Variants in SV2B observed in about 807,000 individuals in gnomAD.
The protein encoded by SV2B is synaptic vesicle glycoprotein 2B, also known as solute carrier family 22 member B2.
Under a neutral mutation model 73.9 loss-of-function variants are expected in SV2B, and 41 were observed. The ratio of observed to expected loss-of-function variants is 0.56; its 90% CI spans 0.43 to 0.72. SV2B has a LOEUF of 0.72. Among genes scored for constraint, SV2B ranks in the 30% least tolerant of loss-of-function variants. SV2B has a pLI of 0.00. For missense variants in SV2B, 764 were observed against 857.8 expected, an observed-to-expected ratio of 0.89 and a Z score of 1.37; for synonymous variants, 314 against 314.2, an observed-to-expected ratio of 1.00 and a Z score of 0.01.
At chr15:91,222,399 C>G (rs1203236269) in intron 1 of SV2B, among the ~76,000 whole-genome samples, 1 of 152,170 alleles carries the variant, frequency 6.6e-6, no homozygotes, top group Non-Finnish European at 1.5e-5. Flanking sequence ...TATTAATAAT[C>G]AAGATTGTAA....
chr15:91,267,488 C>A lies in SV2B; in HGVS notation c.1120-67C>A. ...CTTATTAGAATATCTGAGTAATGAG[C>A]TCTTCGTGGGAGAAACAAAGTCACA... On this transcript the variant is annotated intron_variant, in intron 7 of 12. Coordinates refer to ENST00000394232, the MANE Select transcript of SV2B (RefSeq NM_001323032.3). The surrounding 1 kb of genome is among the most constrained non-coding windows in gnomAD (Gnocchi z 4.3). 7.3e-7 allele frequency: 1 copy of A among 1,373,488 alleles called. No individual in the cohort carries two copies. The highest frequency in any genetic ancestry group is 1.0e-6 in the Non-Finnish European group (1 of 972,864). The allele number at this position is 1,373,488 out of a possible 1,614,324, so 85.1% of individuals were successfully genotyped here.
intron 1 of SV2B, among the ~76,000 whole-genome samples, chr15:91,195,882 A>G (rs751167247): frequency 6.6e-6 from 1 of 152,226 alleles, no homozygotes; most frequent in Non-Finnish European, 1.5e-5. Context: ...TGTTATTACT[A>G]TCTATGTACA....
rs561442709 is a variant in SV2B, at chr15:91,289,240, G to A, written c.1709-281G>A. ...CTCAACAAATGCCCCTATCTGCCCC[G>A]TCCCGTCACTCTGAGCTGGGCACCA... is the stretch of plus-strand genomic sequence containing the variant. On this transcript the variant is annotated intron_variant, in intron 11 of 12. Coordinates refer to ENST00000394232, the MANE Select transcript of SV2B (RefSeq NM_001323032.3). This position sits in a 1 kb window ranked among gnomAD's most constrained non-coding sequence, Gnocchi z 4.9. Among the ~76,000 whole-genome samples the A allele has an allele frequency of 7.2e-5, 11 of 152,234 alleles. No homozygotes were observed. Among genetic ancestry groups the A allele is most frequent in the East Asian group, 1.9e-4 (1 of 5,178 alleles).
In SV2B at chr15:91,258,789, G is replaced by A. The variant is rs190132678; in HGVS notation, c.918+235G>A. ...ATGGTTCAAGAGCTTGTGGAGCCCA[G>A]AGCAGGAGCTCTTTCCCAAGGCTGT... On this transcript the variant is annotated intron_variant, in intron 5 of 12. Transcript: ENST00000394232. The surrounding 1 kb of genome is among the most constrained non-coding windows in gnomAD (Gnocchi z 4.7). Among the ~76,000 whole-genome samples, 98 of 152,264 alleles carry A rather than the reference G, an allele frequency of 6.4e-4. No homozygotes were observed. Among genetic ancestry groups the A allele is most frequent in the Non-Finnish European group, 1.1e-3 (73 of 68,018 alleles).
intron 1 of SV2B, among the ~76,000 whole-genome samples, chr15:91,147,263 C>G (rs1179898150): frequency 2.0e-5 from 3 of 152,248 alleles, no homozygotes; most frequent in African/African-American, 4.8e-5. Flanking sequence ...AAGCCTACCA[C>G]CTAGAATTAC....
In SV2B at chr15:91,298,060, TCAAGACATGACTAGATGTGAACCTGAC is replaced by T. The variant is rs1427081330; in HGVS notation, c.*5510_*5536del. The T allele has an allele frequency of 6.6e-6, 1 of 152,100 alleles. No homozygotes were observed. Among genetic ancestry groups the T allele is most frequent in the Non-Finnish European group, 1.5e-5 (1 of 68,042 alleles). The allele number at this position is 152,100 out of a possible 1,614,324, so 9.4% of individuals were successfully genotyped here. A position where few individuals can be genotyped will look rare whatever the true frequency, so the allele number is the denominator to read the frequency against. On this transcript the variant is annotated 3_prime_UTR_variant, in exon 13 of 13. Transcript: ENST00000394232. This position sits in a 1 kb window ranked among gnomAD's most constrained non-coding sequence, Gnocchi z 5.4. ...CCTAGCTAGGGATGCACGGGGGTGA[TCAAGACATGACTAGATGTGAACCTGAC>T]CTGCAGACAGTCCACCTGAACGTGC...
chr15:91,112,715 C>A (rs1218247463), intron 1 of SV2B, among the ~76,000 whole-genome samples: 1 of 152,206 alleles, frequency 6.6e-6, no homozygotes, highest in Non-Finnish European at 1.5e-5. Flanking sequence ...TTTTCCTCAT[C>A]ATTTTGGATA....
chr15:91,126,423 A>G (rs2042483333), intron 1 of SV2B, among the ~76,000 whole-genome samples: 1 of 152,210 alleles, frequency 6.6e-6, no homozygotes, highest in African/African-American at 2.4e-5. Context: ...TGGTTGATAT[A>G]TCCATCTGGA....
intron 1 of SV2B, among the ~76,000 whole-genome samples, chr15:91,206,201 CT>C (rs538615675): frequency 0.024 from 2,442 of 101,884 alleles, 42 homozygotes; most frequent in East Asian, 0.097. Context: ...CCATGCCTGG[CT>C]TTTTTTTTTT....
rs2046594301 is a variant in SV2B, at chr15:91,231,994, T to C, written c.451+5280T>C. 6.6e-6 allele frequency among the ~76,000 whole-genome samples: 1 copy of C among 152,164 alleles called. No homozygotes were observed. Among genetic ancestry groups the C allele is most frequent in the Admixed American group, 6.5e-5 (1 of 15,274 alleles). On this transcript the variant is annotated intron_variant, in intron 2 of 12. Transcript: ENST00000394232. This position sits in a 1 kb window ranked among gnomAD's most constrained non-coding sequence, Gnocchi z 4.5. ...CAGAGATAGATATATTACTCTGCTGTCGTGAAAGATTATCTTGTGATTGTT... is the reference window on the plus strand; with the variant it reads ...CAGAGATAGATATATTACTCTGCTGCCGTGAAAGATTATCTTGTGATTGTT...
rs1236464064 is a variant in SV2B, at chr15:91,232,942, G to C, written c.451+6228G>C. Reference sequence around the variant, plus strand: ...CCCAATATTTAGCGCTCGCTTATAAGTGAGAACATGCAGTGTTTAGTTTTC... The same window carrying C: ...CCCAATATTTAGCGCTCGCTTATAACTGAGAACATGCAGTGTTTAGTTTTC... On this transcript the variant is annotated intron_variant, in intron 2 of 12. Transcript: ENST00000394232. The surrounding 1 kb of genome is among the most constrained non-coding windows in gnomAD (Gnocchi z 4.7). Among the ~76,000 whole-genome samples the C allele has an allele frequency of 1.3e-5, 2 of 152,196 alleles. No homozygotes were observed.
At chr15:91,235,436 A>G (rs958228632) in intron 2 of SV2B, among the ~76,000 whole-genome samples, 2 of 128,652 alleles carry the variant, frequency 1.6e-5, no homozygotes, top group Non-Finnish European at 3.1e-5. Flanking sequence ...CTAACACACA[A>G]TGAATAGAAA....
rs1459801970 is a variant in SV2B at position 91,258,464 on chromosome 15, G to C, written c.828G>C (p.Trp276Cys). 1.2e-6 allele frequency: 2 copies of C among 1,614,034 alleles called. No individual in the cohort carries two copies. The highest frequency in any genetic ancestry group is 1.3e-5 in the African/African-American group (1 of 74,922). The change falls in exon 5 of 13, where the codon TGG becomes TGC. Residue 276 changes from tryptophan to cysteine, a missense_variant. By Grantham distance (215) the Trp-to-Cys change is radical. Transcript: ENST00000394232. This position sits in a 1 kb window ranked among gnomAD's most constrained non-coding sequence, Gnocchi z 4.7. The stretch of plus-strand genomic sequence containing the variant: ...GGACCAATTACCACTTCCATAGCTG[G>C]AGAGTGTTTGTCATCGTCTGTGCTC... Reference protein sequence around the residue: ...SMGTNYHFHSWRVFVIVCALP... With the variant: ...SMGTNYHFHSCRVFVIVCALP...
rs549601906 is a variant in SV2B, at chr15:91,130,661, G to C, written c.-392+30298G>C. Among the ~76,000 whole-genome samples the C allele has an allele frequency of 5.9e-5, 9 of 152,262 alleles. No homozygotes were observed. In the South Asian group the frequency reaches 1.7e-3, roughly 28 times the overall value. ...GCTCCTGCGTGTCAGTCAGGATGTG[G>C]CTTGTGAGTCTTGCAGACATACTGC... is the stretch of plus-strand genomic sequence containing the variant. On this transcript the variant is annotated intron_variant, in intron 1 of 12. Transcript: ENST00000394232. The surrounding 1 kb of genome is among the most constrained non-coding windows in gnomAD (Gnocchi z 5.6).
In SV2B at chr15:91,292,372, A is replaced by T. The variant is rs2049070337; in HGVS notation, c.1872A>T (p.Ala624=). 6.2e-7 allele frequency: 1 copy of T among 1,613,718 alleles called. No individual in the cohort carries two copies. Among genetic ancestry groups the T allele is most frequent in the Non-Finnish European group, 8.5e-7 (1 of 1,179,810 alleles). ...TATTTCCATTCCTCTTTTACAGAGCAACAGCCTTCGGCATTCTCAATGGAT... is the reference window on the plus strand; with the variant it reads ...TATTTCCATTCCTCTTTTACAGAGCTACAGCCTTCGGCATTCTCAATGGAT... The part of the protein sequence containing the change: ...TVELYPTNQR[A]TAFGILNGLC... Residue 624 remains alanine, a synonymous_variant, in exon 13 of 13, where the codon GCA becomes GCT. Transcript: ENST00000394232.
At chr15:91,199,841 C>G (rs1464286495) in intron 1 of SV2B, among the ~76,000 whole-genome samples, 1 of 152,160 alleles carries the variant, frequency 6.6e-6, no homozygotes, top group Non-Finnish European at 1.5e-5. Flanking sequence ...GATGAGGCAG[C>G]AAACATACCG....
At chr15:91,146,470 G>C (rs967830682) in intron 1 of SV2B, among the ~76,000 whole-genome samples, 1 of 152,084 alleles carries the variant, frequency 6.6e-6, no homozygotes, top group African/African-American at 2.4e-5. Context: ...AATTTTTCGA[G>C]TTTTGTGAAG....
At chr15:91,226,795 C>G (rs1196168449) in intron 2 of SV2B, 81 bp downstream of exon 2, 3 of 1,469,090 alleles carry the variant, frequency 2.0e-6, no homozygotes, top group East Asian at 2.3e-5. Context: ...CTATTAGGCA[C>G]TTTAAATATA....
In SV2B at chr15:91,266,609, A is replaced by G. The variant is rs1029698319; in HGVS notation, c.1036A>G (p.Met346Val). 2 of 1,614,002 alleles carry G rather than the reference A, an allele frequency of 1.2e-6. No homozygotes were observed. Among genetic ancestry groups the G allele is most frequent in the Admixed American group, 1.7e-5 (1 of 59,992 alleles). The change falls in exon 7 of 13, where the codon ATG (methionine) becomes GTG (valine). Residue 346 changes from methionine to valine, a missense_variant. Physicochemically the swap from Met to Val is conservative, Grantham distance 21. Coordinates refer to ENST00000394232, the MANE Select transcript of SV2B (RefSeq NM_001323032.3). ...TTCCAACATCAAAACTCCCAAGCAA[A>G]TGGATGAATTCATTGAGATCCAAAG... ...TVSNIKTPKQ[M>V]DEFIEIQSST...
Sources: allele counts gnomAD v4.1 joint callset (sites outside exome capture counted in the v4.1 genomes callset), GRCh38; gene constraint gnomAD v4.1.1; non-coding constraint Gnocchi (gnomAD v3.1); transcripts MANE v1.5; gene names NCBI Gene and HGNC (gene_info 2026-07-23, HGNC 2026-07-21).